Variants in PACSIN2 observed in about 807,000 individuals in gnomAD.
PACSIN2 encodes protein kinase C and casein kinase substrate in neurons protein 2.
Under a neutral mutation model 63.8 loss-of-function variants are expected in PACSIN2, and 25 were observed. The observed-to-expected ratio is 0.39, with a 90% CI of 0.29 to 0.55. The LOEUF (loss-of-function observed/expected upper bound fraction) is 0.55. PACSIN2 is among the 20% of genes least tolerant of loss of function. The pLI is 0.62. For synonymous variants in PACSIN2, 255 were observed against 256.2 expected (o/e 1.00, Z 0.05); for missense variants, 518 against 646.9 (o/e 0.80, Z 2.16).
At chr22:42,919,772 C>CAAAAAAAAAAAAAAAAAAA (rs761464603) in intron 1 of PACSIN2, among the ~76,000 whole-genome samples, 2 of 48,792 alleles carry the variant, frequency 4.1e-5, no homozygotes, top group African/African-American at 1.3e-4. Context: ...GAACCTGTCT[C>CAAAAAAAAAAAAAAAAAAA]AAAAAAAAAA....
rs1226950228 is a variant in PACSIN2, at chr22:42,870,590, CAA to C, written c.*765_*766del. The C allele has an allele frequency of 3.9e-5, 6 of 152,044 alleles. No homozygotes were observed. Among genetic ancestry groups the C allele is most frequent in the Non-Finnish European group, 8.8e-5 (6 of 68,010 alleles). 9.4% of individuals were successfully genotyped at this position (152,044 alleles called of 1,614,324 possible). A position where few individuals can be genotyped will look rare whatever the true frequency, so the allele number is the denominator to read the frequency against. On this transcript the variant is annotated 3_prime_UTR_variant, in exon 11 of 11. Coordinates refer to ENST00000263246, the MANE Select transcript of PACSIN2 (RefSeq NM_001184970.3). ...AATCAGTGATAAAATTGTTAATTTG[CAA>C]AAGAGTACAGTTTTAAGCAAGAATA...
intron 1 of PACSIN2, among the ~76,000 whole-genome samples, chr22:42,998,344 T>C (rs1187848485): frequency 6.6e-6 from 1 of 152,146 alleles, no homozygotes; most frequent in African/African-American, 2.4e-5. Context: ...CTCCCAACCT[T>C]GCTTCCAGTT....
At chr22:42,996,712 G>A (rs934709049) in intron 1 of PACSIN2, among the ~76,000 whole-genome samples, 25 of 152,006 alleles carry the variant, frequency 1.6e-4, no homozygotes, top group Non-Finnish European at 3.1e-4. Flanking sequence ...AAAAAAAGCA[G>A]AGAATAGAGA....
chr22:42,947,676 G>GGT (rs1465670900), intron 1 of PACSIN2, among the ~76,000 whole-genome samples: 1 of 122,306 alleles, frequency 8.2e-6, no homozygotes, highest in African/African-American at 3.3e-5. Flanking sequence ...CCCTGGGGGT[G>GGT]GGGGGGGGGA....
chr22:42,963,993 G>GGT (rs1920933419), intron 1 of PACSIN2, among the ~76,000 whole-genome samples: 1 of 151,952 alleles, frequency 6.6e-6, no homozygotes, highest in Non-Finnish European at 1.5e-5. Context: ...TATATTCACA[G>GGT]GTGTGTGCAA....
intron 1 of PACSIN2, among the ~76,000 whole-genome samples, chr22:42,981,452 C>T (rs1196378937): frequency 1.8e-4 from 15 of 85,642 alleles, no homozygotes; most frequent in African/African-American, 4.4e-4. Context: ...CCCCTCTGCC[C>T]GGCCAGCCGC....
chr22:42,963,052 G>A (rs1021000731), intron 1 of PACSIN2, among the ~76,000 whole-genome samples: 1 of 152,176 alleles, frequency 6.6e-6, no homozygotes, highest in Admixed American at 6.5e-5. Flanking sequence ...TCACCTGCTG[G>A]CCTCTGGCAT....
intron 1 of PACSIN2, among the ~76,000 whole-genome samples, chr22:42,973,478 A>C (rs8135903): frequency 0.033 from 4,994 of 152,334 alleles, 275 homozygotes; most frequent in African/African-American, 0.12. Context: ...CTTCTCATTG[A>C]GAAAAAGACT....
intron 1 of PACSIN2, among the ~76,000 whole-genome samples, chr22:43,007,543 T>C (rs990880525): frequency 2.6e-5 from 4 of 152,150 alleles, no homozygotes; most frequent in Non-Finnish European, 4.4e-5. Flanking sequence ...GCTCTGTAGC[T>C]CTGCCCAGAA....
chr22:42,905,648 G>A lies in PACSIN2; in HGVS notation c.60+6373C>T, dbSNP rs192739273. On this transcript the variant is annotated intron_variant, in intron 2 of 10. Coordinates refer to ENST00000263246, the MANE Select transcript of PACSIN2 (RefSeq NM_001184970.3). ...CCCAGTATCGGGAATGGCTGAGCACGCAGGCCGAAGACAATGTTGTAGATG... is the reference window on the plus strand; with the variant it reads ...CCCAGTATCGGGAATGGCTGAGCACACAGGCCGAAGACAATGTTGTAGATG... Among the ~76,000 whole-genome samples, 31 of 152,372 alleles carry A rather than the reference G, an allele frequency of 2.0e-4. No individual in the cohort carries two copies. In the East Asian group the frequency reaches 5.2e-3, roughly 26 times the overall value.
Position 42,996,168 on chromosome 22 carries a change from C to T in PACSIN2, c.-78+18853G>A, listed in dbSNP as rs933535866. On this transcript the variant is annotated intron_variant, in intron 1 of 10. Coordinates refer to ENST00000263246, the MANE Select transcript of PACSIN2 (RefSeq NM_001184970.3). Reference sequence around the variant, plus strand: ...CTGGGAAGCGGAGCTTGCAATGAGCCGAGATTGCACCACTGCACTCCAGGC... The same window carrying T: ...CTGGGAAGCGGAGCTTGCAATGAGCTGAGATTGCACCACTGCACTCCAGGC... Among the ~76,000 whole-genome samples, 9 of 151,512 alleles carry T rather than the reference C, an allele frequency of 5.9e-5. 1 individual carries two copies. In the South Asian group the frequency reaches 1.2e-3, roughly 21 times the overall value.
At chr22:42,888,020 C>T (rs1390301619) in intron 5 of PACSIN2, among the ~76,000 whole-genome samples, 5 of 151,662 alleles carry the variant, frequency 3.3e-5, no homozygotes, top group Non-Finnish European at 5.9e-5. Context: ...CCCAGACAAG[C>T]GCTCCCAGCC....
chr22:42,931,575 T>TG, intron 1 of PACSIN2, among the ~76,000 whole-genome samples: 1 of 151,942 alleles, frequency 6.6e-6, no homozygotes, highest in Non-Finnish European at 1.5e-5. Flanking sequence ...AGCCGATGGC[T>TG]GCCCTGAAAC....
intron 1 of PACSIN2, among the ~76,000 whole-genome samples, chr22:42,925,898 T>C (rs1932506102): frequency 2.0e-5 from 3 of 152,126 alleles, no homozygotes; most frequent in Non-Finnish European, 4.4e-5. Flanking sequence ...GTCACCAGCC[T>C]TGGCTCAGCT....
chr22:42,968,705 G>A (rs372543407), intron 1 of PACSIN2, among the ~76,000 whole-genome samples: 59 of 152,276 alleles, frequency 3.9e-4, no homozygotes, highest in South Asian at 2.5e-3. Flanking sequence ...CCAATCTGCC[G>A]GGGGCCTAAA....
intron 1 of PACSIN2, among the ~76,000 whole-genome samples, chr22:42,958,965 A>G (rs1364784515): frequency 6.6e-6 from 1 of 152,246 alleles, no homozygotes; most frequent in Non-Finnish European, 1.5e-5. Context: ...GACTTCTAAG[A>G]AACAATTGAA....
chr22:43,004,614 T>C (rs10222268), intron 1 of PACSIN2, among the ~76,000 whole-genome samples: 6 of 152,238 alleles, frequency 3.9e-5, no homozygotes, highest in Non-Finnish European at 7.3e-5. Context: ...GCACGCTCGG[T>C]TGGCGACAAC....
chr22:42,957,956 A>G (rs1428304899), intron 1 of PACSIN2, among the ~76,000 whole-genome samples: 2 of 152,138 alleles, frequency 1.3e-5, no homozygotes, highest in African/African-American at 2.4e-5. Flanking sequence ...AGAATTGTTG[A>G]TTTTTAAGAA....
chr22:43,007,287 G>A (rs1236665798), intron 1 of PACSIN2, among the ~76,000 whole-genome samples: 5 of 150,846 alleles, frequency 3.3e-5, no homozygotes, highest in African/African-American at 9.8e-5. Flanking sequence ...CACTATCCTG[G>A]CTCACTGCAA....
Sources: gnomAD v4.1 joint callset for allele counts (sites outside exome capture counted in the v4.1 genomes callset) on GRCh38, gnomAD v4.1.1 for gene constraint, MANE v1.5 for transcripts, NCBI Gene and HGNC (gene_info 2026-07-23, HGNC 2026-07-21) for gene names.